Variants in SAMD4A observed in about 807,000 individuals in gnomAD.
The protein encoded by SAMD4A is protein Smaug homolog 1.
SAMD4A carries 33 observed loss-of-function variants against 81.3 expected under a neutral mutation model. The observed-to-expected ratio is 0.41, with a 90% CI of 0.31 to 0.54. The LOEUF (loss-of-function observed/expected upper bound fraction) is 0.54. Ranked by LOEUF, SAMD4A falls within the 20% of genes least tolerant of loss-of-function variation. The pLI, the probability that SAMD4A is intolerant of heterozygous loss-of-function variation, is 0.37. For synonymous variants in SAMD4A, 389 were observed against 382.1 expected, an observed-to-expected ratio of 1.02 and a Z score of -0.21; for missense variants, 854 against 951.1, an observed-to-expected ratio of 0.90 and a Z score of 1.34.
intron 2 of SAMD4A, among the ~76,000 whole-genome samples, chr14:54,570,355 C>T (rs190798571): frequency 2.2e-4 from 34 of 152,296 alleles, no homozygotes; most frequent in South Asian, 1.5e-3. Context: ...AAGTCCACTT[C>T]GCAACCAGAG....
At chr14:54,758,956 C>G (rs2038318399) in intron 6 of SAMD4A, among the ~76,000 whole-genome samples, 1 of 152,188 alleles carries the variant, frequency 6.6e-6, no homozygotes. Flanking sequence ...GAGGGCCCAC[C>G]CCAGCCGCCA....
intron 2 of SAMD4A, among the ~76,000 whole-genome samples, chr14:54,612,418 A>G (rs2034381732): frequency 6.6e-6 from 1 of 152,100 alleles, no homozygotes; most frequent in South Asian, 2.1e-4. Flanking sequence ...TTGGGCTATT[A>G]TTAATTTGAT....
chr14:54,603,927 C>T (rs1280955779), intron 2 of SAMD4A, among the ~76,000 whole-genome samples: 1 of 152,064 alleles, frequency 6.6e-6, no homozygotes, highest in South Asian at 2.1e-4. Context: ...CGGGTTCAAG[C>T]GATTTTCCTG....
chr14:54,705,943 C>G (rs1220538882), intron 3 of SAMD4A, among the ~76,000 whole-genome samples: 2 of 152,150 alleles, frequency 1.3e-5, no homozygotes, highest in Non-Finnish European at 2.9e-5. Flanking sequence ...TAAAATAATA[C>G]TCTAAGAGCT....
rs3051653 is a variant in SAMD4A, at chr14:54,757,383, T to TTGTGTGTGTGTG, written c.1177-2744_1177-2733dup. Among the ~76,000 whole-genome samples, 1,018 of 140,110 alleles carry TTGTGTGTGTGTG rather than the reference T, an allele frequency of 7.3e-3. 13 individuals carry two copies. Among genetic ancestry groups the TTGTGTGTGTGTG allele is most frequent in the African/African-American group, 0.023 (860 of 36,670 alleles). 91.9% of individuals were successfully genotyped at this position (140,110 alleles called of 152,430 possible). A position where few individuals can be genotyped will look rare whatever the true frequency, so the allele number is the denominator to read the frequency against. ...TTCGTTATGTATTTGGTTTCTTTAT[T>TTGTGTGTGTGTG]TGTGTGTGTGTGTGTGTGTGTGTGT... On this transcript the variant is annotated intron_variant, in intron 6 of 12. Transcript: ENST00000554335.
At chr14:54,777,361 G>A (rs2038881781) in intron 11 of SAMD4A, among the ~76,000 whole-genome samples, 1 of 152,202 alleles carries the variant, frequency 6.6e-6, no homozygotes, top group South Asian at 2.1e-4. Flanking sequence ...GAAGCTTCCT[G>A]GAGTTGGAGC....
chr14:54,624,203 G>C (rs1340000653), intron 2 of SAMD4A, among the ~76,000 whole-genome samples: 1 of 152,112 alleles, frequency 6.6e-6, no homozygotes, highest in Admixed American at 6.6e-5. Flanking sequence ...TCGAATTCCT[G>C]ACCTTGTGAT....
intron 2 of SAMD4A, chr14:54,700,992 A>ATTTTTTTTTTTT (rs1555344776): frequency 2.5e-5 from 3 of 121,654 alleles, no homozygotes; most frequent in Non-Finnish European, 3.5e-5. Context: ...TGAAACGGTG[A>ATTTTTTTTTTTT]ATTTTTTTTT....
chr14:54,578,885 G>T (rs2033385619), intron 2 of SAMD4A, among the ~76,000 whole-genome samples: 1 of 151,924 alleles, frequency 6.6e-6, no homozygotes, highest in African/African-American at 2.4e-5. Context: ...TGATGAGTAG[G>T]GCTTCCACAT....
intron 2 of SAMD4A, among the ~76,000 whole-genome samples, chr14:54,639,155 A>G (rs889276427): frequency 6.6e-6 from 1 of 152,140 alleles, no homozygotes. Flanking sequence ...CTTCATCTCT[A>G]TTGTGGGGAA....
chr14:54,689,277 A>C (rs116223706), intron 2 of SAMD4A, among the ~76,000 whole-genome samples: 1 of 152,158 alleles, frequency 6.6e-6, no homozygotes, highest in African/African-American at 2.4e-5. Flanking sequence ...CCCCTCCTCC[A>C]TACTTTGTGA....
Position 54,567,785 on chromosome 14 carries a change from C to A in SAMD4A, c.-132C>A, listed in dbSNP as rs1027294177. The A allele has an allele frequency of 2.3e-6, 2 of 883,216 alleles. No individual in the cohort carries two copies. The highest frequency in any genetic ancestry group is 3.4e-6 in the Non-Finnish European group (2 of 596,344). 54.7% of individuals were successfully genotyped at this position (883,216 alleles called of 1,614,324 possible). A position where few individuals can be genotyped will look rare whatever the true frequency, so the allele number is the denominator to read the frequency against. On this transcript the variant is annotated 5_prime_UTR_variant, in exon 2 of 13. Coordinates refer to ENST00000554335, the MANE Select transcript of SAMD4A (RefSeq NM_015589.6). Reference sequence around the variant, plus strand: ...GGAGCCCAGGCAGTACCTGCAGCGTCCGGGCACCAGAGCCACCTTGGAACA... The same window carrying A: ...GGAGCCCAGGCAGTACCTGCAGCGTACGGGCACCAGAGCCACCTTGGAACA...
At chr14:54,657,325 A>G (rs1425155305) in intron 2 of SAMD4A, among the ~76,000 whole-genome samples, 1 of 152,208 alleles carries the variant, frequency 6.6e-6, no homozygotes, top group East Asian at 1.9e-4. Context: ...CAATTCCTAC[A>G]TCGAAGAATT....
chr14:54,688,043 A>T, intron 2 of SAMD4A: 2 of 985,742 alleles, frequency 2.0e-6, no homozygotes, highest in Non-Finnish European at 2.4e-6. Flanking sequence ...GTGGAGAGGG[A>T]GGAGATGGAG....
Position 54,791,753 on chromosome 14 carries a change from A to G in SAMD4A, c.*2809A>G, listed in dbSNP as rs1318807564. 1 of 152,170 alleles carries G rather than the reference A, an allele frequency of 6.6e-6. No homozygotes were observed. The highest frequency in any genetic ancestry group is 2.4e-5 in the African/African-American group (1 of 41,426). The allele number at this position is 152,170 out of a possible 1,614,324, so 9.4% of individuals were successfully genotyped here. The stretch of plus-strand genomic sequence containing the variant: ...GACTACAGGTATATAGCTCAATTTA[A>G]AAATCCTAAAGCAAAAGAATTTTAT... On this transcript the variant is annotated 3_prime_UTR_variant, in exon 13 of 13. Transcript: ENST00000554335.
chr14:54,574,574 G>A (rs947330044), intron 2 of SAMD4A, among the ~76,000 whole-genome samples: 5 of 152,110 alleles, frequency 3.3e-5, no homozygotes, highest in African/African-American at 1.2e-4. Context: ...CTTGGTGAGT[G>A]GAGAATCAAT....
chr14:54,687,462 G>T (rs776799983), intron 2 of SAMD4A: 4 of 417,664 alleles, frequency 9.6e-6, no homozygotes, highest in East Asian at 7.1e-5. Context: ...ACAAAAAAAG[G>T]CAGCCAAAAA....
intron 2 of SAMD4A, among the ~76,000 whole-genome samples, chr14:54,650,634 A>C (rs1365094305): frequency 6.6e-6 from 1 of 152,208 alleles, no homozygotes; most frequent in East Asian, 1.9e-4. Context: ...TGAGAAGCCA[A>C]AATATGCCAA....
intron 2 of SAMD4A, among the ~76,000 whole-genome samples, chr14:54,696,517 G>A (rs1371290747): frequency 6.6e-6 from 1 of 152,218 alleles, no homozygotes; most frequent in African/African-American, 2.4e-5. Flanking sequence ...AAATGCGCTT[G>A]TGAGAAACCC....
Sources: gnomAD v4.1 joint callset for allele counts (sites outside exome capture counted in the v4.1 genomes callset) on GRCh38, gnomAD v4.1.1 for gene constraint, MANE v1.5 for transcripts, NCBI Gene and HGNC (gene_info 2026-07-23, HGNC 2026-07-21) for gene names.